TRIO: variants seen among roughly 807,000 people sequenced by gnomAD.
TRIO encodes the protein triple functional domain protein.
A neutral mutation model predicts 351.9 loss-of-function variants in TRIO; 58 were observed. The ratio of observed to expected loss-of-function variants is 0.16; its 90% CI spans 0.13 to 0.21. The LOEUF is 0.21. TRIO is among the 10% of genes least tolerant of loss of function. The probability of loss-of-function intolerance (pLI) is 1.00; values close to 1 mark genes in which losing one functional copy is unlikely to be tolerated. For synonymous variants in TRIO, 1,758 were observed against 1,595.7 expected (o/e 1.10, Z -2.42); for missense variants, 3,201 against 4,027.8 (o/e 0.79, Z 5.56).
chr5:14,339,339 TATAAGAC>T (rs1310727146), intron 11 of TRIO, among the ~76,000 whole-genome samples: 1 of 152,240 alleles, frequency 6.6e-6, no homozygotes, highest in Non-Finnish European at 1.5e-5. Flanking sequence ...AGCATCCACT[TATAAGAC>T]CATGGAGTCT....
intron 6 of TRIO, among the ~76,000 whole-genome samples, chr5:14,294,063 G>T (rs1581550175): frequency 1.3e-5 from 2 of 152,158 alleles, no homozygotes; most frequent in African/African-American, 4.8e-5. Flanking sequence ...GTGCACACCT[G>T]TAGTCCCAGC....
At chr5:14,417,682 C>G (rs534254471) in intron 33 of TRIO, among the ~76,000 whole-genome samples, 1 of 152,344 alleles carries the variant, frequency 6.6e-6, no homozygotes, top group Admixed American at 6.5e-5. Context: ...GGCTACTGCC[C>G]TTTAGCAAGA....
chr5:14,266,394 T>C (rs989066273), intron 1 of TRIO, among the ~76,000 whole-genome samples: 30 of 152,138 alleles, frequency 2.0e-4, no homozygotes, highest in African/African-American at 7.0e-4. Flanking sequence ...CTTAGGTATC[T>C]AGGATACAGC....
intron 9 of TRIO, among the ~76,000 whole-genome samples, chr5:14,319,363 T>C (rs1429502452): frequency 6.6e-6 from 1 of 152,182 alleles, no homozygotes; most frequent in Non-Finnish European, 1.5e-5. Context: ...TAAGATTAAT[T>C]AAAGTAAATA....
At chr5:14,487,274 C>T (rs1437670799) in intron 47 of TRIO, among the ~76,000 whole-genome samples, 190 bp from the exon 48 acceptor site, 2 of 152,164 alleles carry the variant, frequency 1.3e-5, no homozygotes, top group Admixed American at 6.5e-5. Flanking sequence ...CCACCCGCTG[C>T]ACTCAGCCGG....
intron 1 of TRIO, among the ~76,000 whole-genome samples, chr5:14,163,465 A>G (rs1788594502): frequency 6.6e-6 from 1 of 152,154 alleles, no homozygotes; most frequent in African/African-American, 2.4e-5. Flanking sequence ...CAGCTTCTTA[A>G]AGTGCTGGGA....
At chr5:14,149,170 TCTC>T (rs1316476402) in intron 1 of TRIO, among the ~76,000 whole-genome samples, 4 of 152,060 alleles carry the variant, frequency 2.6e-5, no homozygotes, top group Non-Finnish European at 5.9e-5. Context: ...GGACCCCTGG[TCTC>T]CTCCCCCTGT....
Position 14,480,047 on chromosome 5 carries a change from G to T in TRIO, c.6336+36G>T, listed in dbSNP as rs200724932. 18 of 1,597,768 alleles carry T rather than the reference G, an allele frequency of 1.1e-5. No individual in the cohort carries two copies. In the East Asian group the frequency reaches 3.1e-4, roughly 28 times the overall value. Reference sequence around the variant, plus strand: ...GGCGGGACAAACTCTGGTGTCAGGAGTGAGTTTGCTGAGAAAATAAGACTC... The same window carrying T: ...GGCGGGACAAACTCTGGTGTCAGGATTGAGTTTGCTGAGAAAATAAGACTC... On this transcript the variant is annotated intron_variant, in intron 43 of 56. Coordinates refer to ENST00000344204, the MANE Select transcript of TRIO (RefSeq NM_007118.4).
intron 15 of TRIO, among the ~76,000 whole-genome samples, chr5:14,366,379 C>A (rs1471911110): frequency 1.3e-5 from 2 of 151,956 alleles, no homozygotes; most frequent in Non-Finnish European, 2.9e-5. Context: ...CAATGTTATT[C>A]ATACCTTGGT....
intron 34 of TRIO, among the ~76,000 whole-genome samples, chr5:14,429,750 C>T (rs540670414): frequency 1.3e-5 from 2 of 152,326 alleles, no homozygotes; most frequent in South Asian, 2.1e-4. Flanking sequence ...CACAACCCCA[C>T]GTGCCAGGTA....
intron 13 of TRIO, among the ~76,000 whole-genome samples, chr5:14,361,232 A>G (rs1349018184): frequency 1.3e-5 from 2 of 152,236 alleles, no homozygotes; most frequent in Admixed American, 1.3e-4. Context: ...AATTTTTAAT[A>G]TTTAAAAAAT....
chr5:14,471,830 T>C (rs554577338), intron 38 of TRIO, among the ~76,000 whole-genome samples: 1 of 152,296 alleles, frequency 6.6e-6, no homozygotes, highest in Admixed American at 6.5e-5. Context: ...GAACATACTT[T>C]ACTGGTTTCT....
chr5:14,473,710 C>G (rs1754844965), intron 39 of TRIO, among the ~76,000 whole-genome samples: 1 of 152,132 alleles, frequency 6.6e-6, no homozygotes, highest in South Asian at 2.1e-4. Context: ...TTAATGAAAC[C>G]ATTTACATTT....
chr5:14,145,195 TC>T (rs1787431521), intron 1 of TRIO, among the ~76,000 whole-genome samples: 2 of 152,132 alleles, frequency 1.3e-5, no homozygotes, highest in Non-Finnish European at 2.9e-5. Flanking sequence ...TTCGGTGAGA[TC>T]AGTTCCCCAA....
Position 14,388,253 on chromosome 5 carries a change from G to T in TRIO, c.3882-360G>T, listed in dbSNP as rs564458474. Among the ~76,000 whole-genome samples the T allele has an allele frequency of 9.9e-4, 151 of 152,258 alleles. 1 individual carries two copies. Among genetic ancestry groups the T allele is most frequent in the Admixed American group, 2.5e-3 (38 of 15,304 alleles). On this transcript the variant is annotated intron_variant, in intron 23 of 56. Transcript: ENST00000344204. ...GGCAGTTTTGCCCCCAATGTGAGGG[G>T]ACACTTTGGTTGTCACAGTGGGGAG...
intron 1 of TRIO, among the ~76,000 whole-genome samples, chr5:14,267,829 A>G: frequency 6.6e-6 from 1 of 152,106 alleles, no homozygotes; most frequent in Non-Finnish European, 1.5e-5. Context: ...CACAATAATG[A>G]CAAACTCAAG....
intron 3 of TRIO, among the ~76,000 whole-genome samples, chr5:14,282,860 A>G (rs1208674198): frequency 2.6e-5 from 4 of 152,166 alleles, no homozygotes; most frequent in Non-Finnish European, 5.9e-5. Flanking sequence ...AAGAAATGCC[A>G]TTTTGCTTGT....
chr5:14,422,500 CT>C (rs1162225330), intron 34 of TRIO, among the ~76,000 whole-genome samples: 2 of 152,092 alleles, frequency 1.3e-5, no homozygotes, highest in Non-Finnish European at 2.9e-5. Flanking sequence ...TATTTATTTG[CT>C]TGCGAATAAT....
At chr5:14,335,640 T>G (rs1317735506) in intron 10 of TRIO, among the ~76,000 whole-genome samples, 1 of 152,218 alleles carries the variant, frequency 6.6e-6, no homozygotes, top group African/African-American at 2.4e-5. Flanking sequence ...TCTGGCTACT[T>G]TAGAGCCATT....
Sources: gnomAD v4.1 joint callset for allele counts (sites outside exome capture counted in the v4.1 genomes callset) on GRCh38, gnomAD v4.1.1 for gene constraint, MANE v1.5 for transcripts, NCBI Gene and HGNC (gene_info 2026-07-23, HGNC 2026-07-21) for gene names.